The following MTMR7 variants were observed in gnomAD, a reference collection of about 807,000 sequenced individuals.
MTMR7 encodes the protein phosphatidylinositol-3-phosphate phosphatase MTMR7.
Under a neutral mutation model 81.2 loss-of-function variants are expected in MTMR7, and 76 were observed. That is an observed-to-expected ratio of 0.94 (90% confidence interval 0.78 to 1.13). The LOEUF is 1.13. Ranked by LOEUF, MTMR7 falls within the 50% of genes most tolerant of loss-of-function variation. The pLI is 0.00. For missense variants in MTMR7, 1,044 were observed against 820.0 expected (o/e 1.27, Z -3.34); for synonymous variants, 372 against 289.8 (o/e 1.28, Z -2.88).
chr8:17,381,313 G>T (rs1033937974), intron 1 of MTMR7, among the ~76,000 whole-genome samples: 1 of 152,160 alleles, frequency 6.6e-6, no homozygotes, highest in African/African-American at 2.4e-5. Context: ...CCACACTGGC[G>T]GCCCAACATA....
chr8:17,377,765 T>G (rs1027273342), intron 1 of MTMR7, among the ~76,000 whole-genome samples: 3 of 152,180 alleles, frequency 2.0e-5, no homozygotes, highest in Non-Finnish European at 4.4e-5. Flanking sequence ...ATTGCACTTT[T>G]TATTTCTTCT....
intron 6 of MTMR7, among the ~76,000 whole-genome samples, chr8:17,332,556 T>C (rs1311778147): frequency 2.6e-5 from 4 of 152,248 alleles, no homozygotes; most frequent in East Asian, 3.9e-4. Flanking sequence ...GATGAGCCCA[T>C]TGGAAGTTGA....
In MTMR7 at chr8:17,373,207, G is replaced by C. The variant is rs1820473069; in HGVS notation, c.58C>G (p.Pro20Ala). The C allele has an allele frequency of 1.2e-6, 2 of 1,613,472 alleles. No individual in the cohort carries two copies. The highest frequency in any genetic ancestry group is 1.1e-5 in the South Asian group (1 of 91,000). Residue 20 changes from proline to alanine, a missense_variant, in exon 2 of 14, where the codon CCT becomes GCT. Pro to Ala is a conservative substitution (Grantham distance 27, BLOSUM62 -1). Coordinates refer to ENST00000180173, the MANE Select transcript of MTMR7 (RefSeq NM_004686.5). Reference sequence around the variant, plus strand: ...AAAGTACCTAGAGCTGCTTTTTTAGGAGACACTCGATCTACCAAGCGGACA... The same window carrying C: ...AAAGTACCTAGAGCTGCTTTTTTAGCAGACACTCGATCTACCAAGCGGACA... ...ENVRLVDRVS[P>A]KKAALGTLYL...
chr8:17,344,711 G>T (rs1168790762), intron 5 of MTMR7, among the ~76,000 whole-genome samples: 1 of 152,140 alleles, frequency 6.6e-6, no homozygotes, highest in African/African-American at 2.4e-5. Context: ...CTGATCCTCA[G>T]TTTTCTCATC....
chr8:17,389,935 T>C (rs1245797103), intron 1 of MTMR7, among the ~76,000 whole-genome samples: 1 of 152,154 alleles, frequency 6.6e-6, no homozygotes, highest in African/African-American at 2.4e-5. Flanking sequence ...CAAATATTTA[T>C]TGTGCACCTT....
chr8:17,388,910 C>T (rs1251365896), intron 1 of MTMR7, among the ~76,000 whole-genome samples: 7 of 152,210 alleles, frequency 4.6e-5, no homozygotes, highest in African/African-American at 1.7e-4. Flanking sequence ...GCATAATTGG[C>T]ACCATATTTT....
At chr8:17,363,095 A>T (rs1331123707) in intron 3 of MTMR7, among the ~76,000 whole-genome samples, 2 of 152,256 alleles carry the variant, frequency 1.3e-5, no homozygotes, top group Non-Finnish European at 2.9e-5. Flanking sequence ...GCGTGCTCAC[A>T]CACAAACCAG....
intron 1 of MTMR7, among the ~76,000 whole-genome samples, chr8:17,383,322 G>T (rs1250382416): frequency 1.3e-5 from 2 of 152,146 alleles, no homozygotes; most frequent in African/African-American, 4.8e-5. Flanking sequence ...GGGAGCAAGA[G>T]GAGGAAGGGT....
At chr8:17,341,296 T>C in intron 6 of MTMR7, 67 bp downstream of exon 6, 2 of 1,592,326 alleles carry the variant, frequency 1.3e-6, no homozygotes, top group South Asian at 2.3e-5. Context: ...GGCAGTCGGC[T>C]AGCCTTTGCC....
chr8:17,356,808 A>G (rs1028777809), intron 4 of MTMR7, among the ~76,000 whole-genome samples: 1 of 152,308 alleles, frequency 6.6e-6, no homozygotes, highest in Admixed American at 6.5e-5. Context: ...TGGGATCAAC[A>G]AAGAAGAATA....
intron 1 of MTMR7, among the ~76,000 whole-genome samples, chr8:17,398,387 T>A (rs1256037804): frequency 6.6e-6 from 1 of 151,528 alleles, no homozygotes; most frequent in Non-Finnish European, 1.5e-5. Context: ...AATTCTGGAG[T>A]TGAAAAATGC....
chr8:17,359,794 T>C (rs907952152), intron 4 of MTMR7, among the ~76,000 whole-genome samples: 3 of 152,092 alleles, frequency 2.0e-5, no homozygotes, highest in Non-Finnish European at 4.4e-5. Flanking sequence ...TATCAAAAGA[T>C]TTTTAAAAAC....
In MTMR7 at chr8:17,348,355, T is replaced by C. The variant is rs1171043092; in HGVS notation, c.597+598A>G. On this transcript the variant is annotated intron_variant, in intron 5 of 13. Coordinates refer to ENST00000180173, the MANE Select transcript of MTMR7 (RefSeq NM_004686.5). ...GAGTTCAAGACCACCCTGGCCAACA[T>C]GGTGAAACCCCTTCTTTACTAAAAA... 6.6e-5 allele frequency among the ~76,000 whole-genome samples: 10 copies of C among 151,164 alleles called. No individual in the cohort carries two copies. The East Asian group carries it at 2.0e-3, about 30-fold the overall frequency.
intron 9 of MTMR7, among the ~76,000 whole-genome samples, chr8:17,310,578 T>TAGTC (rs1817730349): frequency 6.6e-6 from 1 of 152,182 alleles, no homozygotes; most frequent in South Asian, 2.1e-4. Context: ...CCAGCCCTCC[T>TAGTC]GACTTCAGTC....
chr8:17,302,474 G>C, intron 12 of MTMR7, 194 bp from the exon 13 acceptor site: 1 of 521,836 alleles, frequency 1.9e-6, no homozygotes. Context: ...AATGCCTTTT[G>C]GGGAGAATAA....
chr8:17,387,437 G>T (rs1464100019), intron 1 of MTMR7, among the ~76,000 whole-genome samples: 1 of 152,138 alleles, frequency 6.6e-6, no homozygotes, highest in Admixed American at 6.6e-5. Context: ...ATTCACCCCA[G>T]TAATCTTGAT....
chr8:17,321,396 A>T (rs549087891), intron 7 of MTMR7, among the ~76,000 whole-genome samples: 15 of 152,298 alleles, frequency 9.8e-5, no homozygotes, highest in African/African-American at 3.4e-4. Flanking sequence ...CTTGTTCAAC[A>T]TTTCTGTTTT....
Position 17,311,521 on chromosome 8 carries a change from T to C in MTMR7, c.1091A>G (p.Lys364Arg). The change falls in exon 9 of 14, where the codon AAG (lysine) becomes AGG (arginine). Residue 364 changes from lysine (K) to arginine (R), a missense_variant. Coordinates refer to ENST00000180173, the MANE Select transcript of MTMR7 (RefSeq NM_004686.5). Reference protein sequence around the residue: ...LLLDPHYRTLKGFMVLIEKDW... With the variant: ...LLLDPHYRTLRGFMVLIEKDW... The stretch of plus-strand genomic sequence containing the variant: ...AGTGGCCACACTCACCATGAAGCCC[T>C]TCAGAGTCCGGTAGTGAGGGTCCAG... The C allele has an allele frequency of 6.2e-7, 1 of 1,614,072 alleles. No individual in the cohort carries two copies.
chr8:17,324,718 T>C (rs774293406), intron 7 of MTMR7, among the ~76,000 whole-genome samples: 40 of 152,356 alleles, frequency 2.6e-4, no homozygotes, highest in Non-Finnish European at 4.0e-4. Flanking sequence ...TATTTCCATG[T>C]AGAGCGACCT....
Sources: allele counts gnomAD v4.1 joint callset (sites outside exome capture counted in the v4.1 genomes callset), GRCh38; gene constraint gnomAD v4.1.1; transcripts MANE v1.5; gene names NCBI Gene and HGNC (gene_info 2026-07-23, HGNC 2026-07-21).